The following THSD7A variants were observed in gnomAD, a reference collection of about 807,000 sequenced individuals.
THSD7A encodes thrombospondin type 1 domain containing 7A.
A neutral mutation model predicts 231.3 loss-of-function variants in THSD7A; 96 were observed. That is an observed-to-expected ratio of 0.41 (90% CI 0.35 to 0.49). The LOEUF (loss-of-function observed/expected upper bound fraction) is 0.49, where lower values mean the gene tolerates loss of function less well. Among genes scored for constraint, THSD7A ranks in the 20% least tolerant of loss-of-function variants. The pLI is 0.05. For missense variants in THSD7A, 2,290 were observed against 2,070.2 expected, an observed-to-expected ratio of 1.11 and a Z score of -2.06; for synonymous variants, 940 against 743.3, an observed-to-expected ratio of 1.26 and a Z score of -4.30.
chr7:11,696,933 AG>A (rs1469983898), intron 1 of THSD7A, among the ~76,000 whole-genome samples: 1 of 151,468 alleles, frequency 6.6e-6, no homozygotes, highest in Non-Finnish European at 1.5e-5. Flanking sequence ...CCACTATTAT[AG>A]TTTCAATTAG....
chr7:11,526,211 G>A (rs1033269538), intron 6 of THSD7A, among the ~76,000 whole-genome samples: 5 of 152,116 alleles, frequency 3.3e-5, no homozygotes, highest in African/African-American at 7.2e-5. Flanking sequence ...TTTCAAACAC[G>A]AACTGTTCAG....
chr7:11,388,844 T>C (rs533316126), intron 23 of THSD7A, among the ~76,000 whole-genome samples: 10 of 151,590 alleles, frequency 6.6e-5, no homozygotes, highest in Admixed American at 5.3e-4. Flanking sequence ...GTGTTCTCAT[T>C]GCTTTCAGAG....
chr7:11,636,886 A>C lies in THSD7A; in HGVS notation c.266T>G (p.Val89Gly). 3 of 1,613,810 alleles carry C rather than the reference A, an allele frequency of 1.9e-6. No homozygotes were observed. The highest frequency in any genetic ancestry group is 2.2e-5 in the East Asian group (1 of 44,842). ...AGTATGCAGTGTAGTCCATCCCTCC[A>C]CATGAGCACACCACACAGCCCTCGT... Reference protein sequence around the residue: ...IQTRAVWCAHVEGWTTLHTNC... With the variant: ...IQTRAVWCAHGEGWTTLHTNC... Residue 89 changes from valine (V) to glycine (G), a missense_variant, in exon 2 of 28, where the codon GTG becomes GGG. Transcript: ENST00000423059. The surrounding 1 kb of genome is among the most constrained non-coding windows in gnomAD (Gnocchi z 10.0).
At chr7:11,585,508 G>A (rs1436755292) in intron 4 of THSD7A, among the ~76,000 whole-genome samples, 2 of 152,108 alleles carry the variant, frequency 1.3e-5, no homozygotes, top group African/African-American at 2.4e-5. Flanking sequence ...ATAAACAAGA[G>A]AGTTAAGTTC....
At chr7:11,454,252 A>G (rs1046909356) in intron 11 of THSD7A, among the ~76,000 whole-genome samples, 2 of 151,992 alleles carry the variant, frequency 1.3e-5, no homozygotes, top group South Asian at 4.1e-4. Flanking sequence ...AATCGTGTCA[A>G]TGTCTTCTTT....
intron 1 of THSD7A, among the ~76,000 whole-genome samples, chr7:11,749,713 G>A (rs1782436120): frequency 6.6e-6 from 1 of 151,940 alleles, no homozygotes; most frequent in South Asian, 2.1e-4. Context: ...AGCATACCGG[G>A]AGCTATCATA....
At chr7:11,643,522 C>G (rs1303774028) in intron 1 of THSD7A, among the ~76,000 whole-genome samples, 1 of 151,760 alleles carries the variant, frequency 6.6e-6, no homozygotes, top group African/African-American at 2.4e-5. Context: ...ATTGTGCTAC[C>G]AATTAATTGT....
chr7:11,447,051 C>T (rs753671049), intron 12 of THSD7A, among the ~76,000 whole-genome samples, 179 bp downstream of exon 12: 2 of 152,114 alleles, frequency 1.3e-5, no homozygotes, highest in South Asian at 2.1e-4. Flanking sequence ...TTCAAGCCTT[C>T]CTTTTCTTTT....
At chr7:11,603,405 T>C (rs1343377648) in intron 2 of THSD7A, among the ~76,000 whole-genome samples, 1 of 152,034 alleles carries the variant, frequency 6.6e-6, no homozygotes, top group African/African-American at 2.4e-5. Flanking sequence ...TGTAGAGAAA[T>C]AGGCACACTT....
In THSD7A at chr7:11,466,753, A is replaced by G. The variant is rs550462416; in HGVS notation, c.2368+3126T>C. Reference sequence around the variant, plus strand: ...GCCGCTTAGAGAGCCTCTTGCTTCTAAGAGAGCCGATTCCCGAGTTGGCAT... The same window carrying G: ...GCCGCTTAGAGAGCCTCTTGCTTCTGAGAGAGCCGATTCCCGAGTTGGCAT... On this transcript the variant is annotated intron_variant, in intron 9 of 27. Transcript: ENST00000423059. Among the ~76,000 whole-genome samples, 4 of 152,088 alleles carry G rather than the reference A, an allele frequency of 2.6e-5. No individual in the cohort carries two copies. In the South Asian group the frequency reaches 8.3e-4, roughly 32 times the overall value.
rs776453113 is a variant in THSD7A at position 11,446,142 on chromosome 7, C to T, written c.2983G>A (p.Gly995Arg). ...ATTGCTTGGTAACGATATCCTTGTC[C>T]GCATTCCTTGATGTCTCCTTGTACT... ...MKVQGDIKECGQGYRYQAMAC... is the reference protein window; with the variant it reads ...MKVQGDIKECRQGYRYQAMAC... The change falls in exon 13 of 28, where the codon GGA (glycine) becomes AGA (arginine). Residue 995 changes from glycine to arginine, a missense_variant. By Grantham distance (125) the Gly-to-Arg change is moderately radical. Transcript: ENST00000423059. This position sits in a 1 kb window ranked among gnomAD's most constrained non-coding sequence, Gnocchi z 4.0. The T allele has an allele frequency of 1.2e-5, 20 of 1,613,334 alleles. No homozygotes were observed. The African/African-American group carries it at 1.5e-4, about 12-fold the overall frequency.
At chr7:11,514,742 A>G (rs1003841029) in intron 6 of THSD7A, among the ~76,000 whole-genome samples, 2 of 152,206 alleles carry the variant, frequency 1.3e-5, no homozygotes, top group African/African-American at 4.8e-5. Flanking sequence ...ATTAAACAAT[A>G]CTACGTGTGC....
intron 1 of THSD7A, among the ~76,000 whole-genome samples, chr7:11,763,515 AATAC>A (rs1345500211): frequency 6.6e-5 from 10 of 152,186 alleles, no homozygotes; most frequent in Non-Finnish European, 1.2e-4. Flanking sequence ...CATACACATA[AATAC>A]ATATAGATAT....
At chr7:11,677,588 A>G (rs1783692785) in intron 1 of THSD7A, among the ~76,000 whole-genome samples, 1 of 69,794 alleles carries the variant, frequency 1.4e-5, no homozygotes, top group Non-Finnish European at 3.3e-5. Context: ...GGAAAGCAAA[A>G]AAAAAAAAAA....
At position 11,375,820 on chromosome 7, in the gene THSD7A, C is replaced by G; in HGVS notation, c.4948G>C (p.Ala1650Pro). The change falls in exon 28 of 28, where the codon GCC (alanine) becomes CCC (proline). Residue 1650 changes from alanine to proline, a missense_variant. Coordinates refer to ENST00000423059, the MANE Select transcript of THSD7A (RefSeq NM_015204.3). The part of the protein sequence containing the change: ...QNNRLKPLTL[A>P]YDGDADM ...TACATGTCGGCATCTCCATCATAGG[C>G]TAAGGTTAAAGGTTTCAGTCGGTTG... 6.2e-7 allele frequency: 1 copy of G among 1,612,670 alleles called. No individual in the cohort carries two copies. The highest frequency in any genetic ancestry group is 8.5e-7 in the Non-Finnish European group (1 of 1,179,038).
chr7:11,518,598 A>AACACACACACAC (rs138134072), intron 6 of THSD7A, among the ~76,000 whole-genome samples: 4,739 of 150,140 alleles, frequency 0.032, 96 homozygotes, highest in Admixed American at 0.066. Flanking sequence ...ATAAAATAGA[A>AACACACACACAC]ACACACACAC....
chr7:11,424,559 G>T, intron 16 of THSD7A, 137 bp downstream of exon 16: 1 of 1,193,584 alleles, frequency 8.4e-7, no homozygotes, highest in Non-Finnish European at 1.2e-6. Flanking sequence ...TTTTCTATGA[G>T]CACAGATTCC....
At chr7:11,390,950 C>G (rs1583656179) in intron 23 of THSD7A, among the ~76,000 whole-genome samples, 1 of 152,246 alleles carries the variant, frequency 6.6e-6, no homozygotes, top group Non-Finnish European at 1.5e-5. Flanking sequence ...AGATTGCTGC[C>G]TGTTCCTTCC....
intron 8 of THSD7A, among the ~76,000 whole-genome samples, chr7:11,471,220 T>G (rs904411945): frequency 6.6e-6 from 1 of 151,958 alleles, no homozygotes; most frequent in South Asian, 2.1e-4. Flanking sequence ...ATCCCTGCCA[T>G]GTAAGCTAAC....
Sources: gnomAD v4.1 joint callset for allele counts (sites outside exome capture counted in the v4.1 genomes callset) on GRCh38, gnomAD v4.1.1 for gene constraint, Gnocchi (gnomAD v3.1) non-coding constraint, MANE v1.5 for transcripts, NCBI Gene and HGNC (gene_info 2026-07-23, HGNC 2026-07-21) for gene names.